The following MPDZ variants were observed in gnomAD, a reference collection of about 807,000 sequenced individuals.
MPDZ encodes the protein multiple PDZ domain crumbs cell polarity complex component, also known as multiple PDZ domain protein.
Under a neutral mutation model 239.1 loss-of-function variants are expected in MPDZ, and 234 were observed. The ratio of observed to expected loss-of-function variants is 0.98; its 90% CI spans 0.88 to 1.09. MPDZ has a LOEUF of 1.09. Among genes scored for constraint, MPDZ ranks in the 50% least tolerant of loss-of-function variants. MPDZ has a pLI of 0.00. For missense variants in MPDZ, 3,175 were observed against 2,510.0 expected (o/e 1.26, Z -5.66); for synonymous variants, 1,048 against 881.3 (o/e 1.19, Z -3.35).
At chr9:13,260,853 G>C (rs544213627) in intron 1 of MPDZ, among the ~76,000 whole-genome samples, 1 of 152,200 alleles carries the variant, frequency 6.6e-6, no homozygotes, top group East Asian at 1.9e-4. Flanking sequence ...AAATTTCTAT[G>C]GTTTACACCT....
At chr9:13,219,857 G>C in intron 7 of MPDZ, 89 bp from the exon 8 acceptor site, 3 of 1,257,232 alleles carry the variant, frequency 2.4e-6, no homozygotes, top group East Asian at 2.5e-5. Flanking sequence ...TTTTAGAAAA[G>C]CAATAATATG....
chr9:13,261,263 G>A (rs1199911207), intron 1 of MPDZ, among the ~76,000 whole-genome samples: 1 of 152,086 alleles, frequency 6.6e-6, no homozygotes. Context: ...GCATTCCTTG[G>A]GAGATGCAAC....
chr9:13,111,905 G>T, intron 43 of MPDZ, 119 bp downstream of exon 43: 2 of 947,242 alleles, frequency 2.1e-6, no homozygotes, highest in Non-Finnish European at 3.0e-6. Flanking sequence ...TGGATTAGAT[G>T]ATTTAAAAGT....
chr9:13,199,842 T>A (rs1250141671), intron 12 of MPDZ, among the ~76,000 whole-genome samples: 1 of 152,116 alleles, frequency 6.6e-6, no homozygotes, highest in Non-Finnish European at 1.5e-5. Context: ...CTTATTAATG[T>A]GTTGTTGAAT....
At chr9:13,157,933 T>G in intron 24 of MPDZ, 85 bp downstream of exon 24, 1 of 1,118,164 alleles carries the variant, frequency 8.9e-7, no homozygotes, top group South Asian at 1.3e-5. Flanking sequence ...AGAAGCAAGT[T>G]GTAATCCAGT....
In MPDZ at chr9:13,247,651, T is replaced by G; in HGVS notation, c.167A>C (p.Gln56Pro). 6.2e-7 allele frequency: 1 copy of G among 1,611,704 alleles called. No individual in the cohort carries two copies. Among genetic ancestry groups the G allele is most frequent in the South Asian group, 1.1e-5 (1 of 90,868 alleles). Residue 56 changes from glutamine (Q) to proline (P), a missense_variant, in exon 3 of 47, where the codon CAG (glutamine) becomes CCG (proline). Transcript: ENST00000319217. ...SQILSLQTSV[Q>P]QLKDQVNIAT... ...ATGTCCTACCTGGTCTTTCAGCTGC[T>G]GTACAGAAGTCTGAAGGCTCAGAAT...
chr9:13,198,708 T>A (rs1350177436), intron 12 of MPDZ, among the ~76,000 whole-genome samples: 1 of 149,200 alleles, frequency 6.7e-6, no homozygotes, highest in African/African-American at 2.5e-5. Context: ...TTCCTTCAGT[T>A]CTTATATTTA....
intron 3 of MPDZ, among the ~76,000 whole-genome samples, chr9:13,225,645 C>A (rs888745531): frequency 6.6e-6 from 1 of 151,952 alleles, no homozygotes; most frequent in Non-Finnish European, 1.5e-5. Flanking sequence ...TGTGCTACAA[C>A]TGCATACAGT....
intron 21 of MPDZ, among the ~76,000 whole-genome samples, chr9:13,171,225 A>G (rs1951738182): frequency 6.6e-6 from 1 of 152,188 alleles, no homozygotes; most frequent in South Asian, 2.1e-4. Flanking sequence ...ACTAAAAACA[A>G]AACAAAACTC....
chr9:13,106,755 G>A lies in MPDZ; in HGVS notation c.*210C>T, dbSNP rs62532651. 4.3e-3 allele frequency: 2,237 copies of A among 520,994 alleles called. 5 individuals are homozygous for A. Among genetic ancestry groups the A allele is most frequent in the Non-Finnish European group, 5.9e-3 (1,766 of 297,782 alleles). 32.3% of individuals were successfully genotyped at this position (520,994 alleles called of 1,614,324 possible). ...CTACACAAATATTCCTTCTCTTTAA[G>A]TTCACAAAATGCAAGAAGAAAAGAA... On this transcript the variant is annotated 3_prime_UTR_variant, in exon 47 of 47. Coordinates refer to ENST00000319217, the MANE Select transcript of MPDZ (RefSeq NM_001378778.1).
intron 8 of MPDZ, among the ~76,000 whole-genome samples, chr9:13,217,738 C>T (rs1291282080): frequency 1.3e-5 from 2 of 151,806 alleles, no homozygotes; most frequent in African/African-American, 4.8e-5. Context: ...GGTCAACTAT[C>T]AGGAAAAGAA....
chr9:13,231,646 C>G (rs1485640913), intron 3 of MPDZ, among the ~76,000 whole-genome samples: 1 of 151,616 alleles, frequency 6.6e-6, no homozygotes, highest in East Asian at 1.9e-4. Flanking sequence ...AAAACAAGAA[C>G]AGGTTTAGAG....
In MPDZ at chr9:13,113,113, G is replaced by A. The variant is rs910899576; in HGVS notation, c.5558-59C>T. ...TTATGTTCATTCACTTTTTATGTTCGTTAAAATATCTAAAGCTGGATGGGA... is the reference window on the plus strand; with the variant it reads ...TTATGTTCATTCACTTTTTATGTTCATTAAAATATCTAAAGCTGGATGGGA... On this transcript the variant is annotated intron_variant, in intron 41 of 46. Transcript: ENST00000319217. 52 of 1,436,330 alleles carry A rather than the reference G, an allele frequency of 3.6e-5. No homozygotes were observed. The African/African-American group carries it at 4.0e-4, about 11-fold the overall frequency. The allele number at this position is 1,436,330 out of a possible 1,614,324, so 89.0% of individuals were successfully genotyped here.
chr9:13,255,405 G>T (rs1193255666), intron 1 of MPDZ, among the ~76,000 whole-genome samples: 1 of 152,096 alleles, frequency 6.6e-6, no homozygotes, highest in Non-Finnish European at 1.5e-5. Context: ...TATCTTAATG[G>T]CATTTAAAGT....
chr9:13,210,169 A>G lies in MPDZ; in HGVS notation c.1291-4070T>C, dbSNP rs138480830. On this transcript the variant is annotated intron_variant, in intron 10 of 46. Transcript: ENST00000319217. ...AGATCTACCAGCCTCTAGGCAGCAA[A>G]GAGAGAGACTAGGTTATCTGTACAA... Among the ~76,000 whole-genome samples the G allele has an allele frequency of 6.6e-5, 10 of 152,216 alleles. No homozygotes were observed. In the East Asian group the frequency reaches 1.9e-3, roughly 29 times the overall value.
chr9:13,129,387 C>T (rs1327036202), intron 32 of MPDZ, among the ~76,000 whole-genome samples: 5 of 151,758 alleles, frequency 3.3e-5, no homozygotes, highest in African/African-American at 7.3e-5. Context: ...CGCTTGAACC[C>T]GGGAGGTGGA....
intron 1 of MPDZ, among the ~76,000 whole-genome samples, chr9:13,261,817 T>C (rs894436986): frequency 2.7e-5 from 4 of 150,356 alleles, no homozygotes; most frequent in Non-Finnish European, 5.9e-5. Context: ...GGATCACTTT[T>C]AGCCAGGAGC....
intron 1 of MPDZ, among the ~76,000 whole-genome samples, chr9:13,252,790 G>C (rs960496357): frequency 1.3e-5 from 2 of 151,940 alleles, no homozygotes; most frequent in African/African-American, 4.8e-5. Flanking sequence ...CCCAATATAA[G>C]GAAGCCCAGG....
intron 30 of MPDZ, among the ~76,000 whole-genome samples, 164 bp from the exon 31 acceptor site, chr9:13,136,346 T>TTTTG (rs1237190873): frequency 7.0e-6 from 1 of 142,784 alleles, no homozygotes; most frequent in African/African-American, 2.7e-5. Flanking sequence ...TTTTTTTTTT[T>TTTTG]TTTGAGACAG....
Sources: gnomAD v4.1 joint callset for allele counts (sites outside exome capture counted in the v4.1 genomes callset) on GRCh38, gnomAD v4.1.1 for gene constraint, MANE v1.5 for transcripts, NCBI Gene and HGNC (gene_info 2026-07-23, HGNC 2026-07-21) for gene names.